The following FAIM2 variants were observed in gnomAD, a reference collection of about 807,000 sequenced individuals.
FAIM2 encodes the protein protein lifeguard 2.
FAIM2 carries 27 observed loss-of-function variants against 47.4 expected under a neutral mutation model. That is an observed-to-expected ratio of 0.57 (90% confidence interval 0.42 to 0.78). The LOEUF is 0.78. Ranked by LOEUF, FAIM2 falls within the 30% of genes least tolerant of loss-of-function variation. FAIM2 has a pLI of 0.00. For missense variants in FAIM2, 311 were observed against 389.4 expected (o/e 0.80, Z 1.69); for synonymous variants, 156 against 159.3 (o/e 0.98, Z 0.16).
In FAIM2 at chr12:49,895,456, G is replaced by T. The variant is rs1423650715; in HGVS notation, c.434+1575C>A. Among the ~76,000 whole-genome samples the T allele has an allele frequency of 2.0e-5, 3 of 152,262 alleles. No individual in the cohort carries two copies. In the East Asian group the frequency reaches 5.8e-4, roughly 29 times the overall value. The stretch of plus-strand genomic sequence containing the variant: ...CCTCCTCCAGAAGGCTCAGAGAGGG[G>T]CCTAAGAATCCCTTCCCAAGTTCTC... On this transcript the variant is annotated intron_variant, in intron 5 of 11. Coordinates refer to ENST00000320634, the MANE Select transcript of FAIM2 (RefSeq NM_012306.4).
In FAIM2 at chr12:49,901,272, G is replaced by T. The variant is rs200044662; in HGVS notation, c.69C>A (p.Gly23=). ...GCACTGCTGGAGCCTCCTTCTTCTC[G>T]CCATGCACCTGCTGCTGCCCCTCGG... The part of the protein sequence containing the change: ...PGTEGQQQVH[G]EKKEAPAVPS... Residue 23 remains glycine (G), a synonymous_variant, in exon 2 of 12, where the codon GGC becomes GGA. Coordinates refer to ENST00000320634, the MANE Select transcript of FAIM2 (RefSeq NM_012306.4). The T allele has an allele frequency of 1.2e-6, 2 of 1,608,322 alleles. No individual in the cohort carries two copies. Among genetic ancestry groups the T allele is most frequent in the South Asian group, 1.1e-5 (1 of 90,350 alleles).
At chr12:49,887,266 C>T in intron 11 of FAIM2, 120 bp downstream of exon 11, 2 of 884,242 alleles carry the variant, frequency 2.3e-6, no homozygotes, top group Non-Finnish European at 3.6e-6. Flanking sequence ...CCTAGCCCTA[C>T]CCGCAGGTGC....
chr12:49,892,605 CT>C (rs1275735044), intron 5 of FAIM2, among the ~76,000 whole-genome samples: 18 of 152,224 alleles, frequency 1.2e-4, no homozygotes, highest in African/African-American at 4.3e-4. Flanking sequence ...CACATGACCC[CT>C]GGGTCCCTCC....
intron 5 of FAIM2, 141 bp from the exon 6 acceptor site, chr12:49,891,255 G>A: frequency 1.4e-6 from 1 of 718,770 alleles, no homozygotes; most frequent in Non-Finnish European, 2.4e-6. Context: ...GGTCATCCTA[G>A]AACCTGGCAG....
rs756060363 is a variant in FAIM2, at chr12:49,878,145, AGT to A, written c.802-7494_802-7493del. Among the ~76,000 whole-genome samples, 8 of 90,004 alleles carry A rather than the reference AGT, an allele frequency of 8.9e-5. 2 individuals carry two copies. The highest frequency in any genetic ancestry group is 7.8e-4 in the East Asian group (2 of 2,554). The allele number at this position is 90,004 out of a possible 152,430, so 59.0% of individuals were successfully genotyped here. On this transcript the variant is annotated intron_variant, in intron 11 of 11. Coordinates refer to ENST00000320634, the MANE Select transcript of FAIM2 (RefSeq NM_012306.4). ...ATGTGTGCATGTGAGTGTGCATGTG[AGT>A]GTGTGTATGAGTGTATGTGTGTATG...
intron 5 of FAIM2, among the ~76,000 whole-genome samples, chr12:49,893,569 G>GCAAAA (rs954580985): frequency 1.0e-3 from 158 of 152,296 alleles, no homozygotes; most frequent in Non-Finnish European, 8.1e-4. Context: ...TGGATGAAAT[G>GCAAAA]CAAAACAAAA....
At chr12:49,891,370 C>T (rs1047928907) in intron 5 of FAIM2, among the ~76,000 whole-genome samples, 6 of 152,190 alleles carry the variant, frequency 3.9e-5, no homozygotes, top group Non-Finnish European at 8.8e-5. Context: ...TTCCTGACCA[C>T]CCAATACAAA....
intron 11 of FAIM2, among the ~76,000 whole-genome samples, chr12:49,876,971 G>A (rs975360514): frequency 6.6e-6 from 1 of 152,192 alleles, no homozygotes; most frequent in Non-Finnish European, 1.5e-5. Context: ...AATGGTAAGA[G>A]GAGCAGCAAG....
intron 11 of FAIM2, among the ~76,000 whole-genome samples, chr12:49,876,599 T>TAA (rs149137663): frequency 4.2e-5 from 6 of 143,360 alleles, no homozygotes; most frequent in East Asian, 2.0e-4. Flanking sequence ...CCGTCTCTAC[T>TAA]AAAAAAAAAA....
At chr12:49,887,508 G>C in intron 10 of FAIM2, 69 bp from the exon 11 acceptor site, 1 of 1,360,426 alleles carries the variant, frequency 7.4e-7, no homozygotes, top group South Asian at 1.2e-5. Context: ...AGGGAGGAGG[G>C]TTCAGTCCAG....
intron 11 of FAIM2, among the ~76,000 whole-genome samples, chr12:49,872,371 T>G: frequency 6.6e-6 from 1 of 151,694 alleles, no homozygotes; most frequent in African/African-American, 2.4e-5. Context: ...GTGTGAAGAG[T>G]GGGGAACTCG....
intron 11 of FAIM2, among the ~76,000 whole-genome samples, chr12:49,880,636 A>C (rs1946815113): frequency 1.3e-5 from 2 of 150,594 alleles, no homozygotes; most frequent in South Asian, 4.2e-4. Context: ...GTGTGTATAT[A>C]TATGCATGTG....
chr12:49,902,809 G>C (rs1406326112), intron 1 of FAIM2: 1 of 152,092 alleles, frequency 6.6e-6, no homozygotes, highest in Non-Finnish European at 1.5e-5. Flanking sequence ...TAATGCCCAG[G>C]CCCCCGACAC....
intron 7 of FAIM2, among the ~76,000 whole-genome samples, chr12:49,890,459 C>T (rs1265843330): frequency 6.6e-6 from 1 of 152,110 alleles, no homozygotes. Context: ...AAAAAATTCA[C>T]AATGAAAAAA....
rs1369700709 is a variant in FAIM2, at chr12:49,870,621, A to G, written c.834T>C (p.Gly278=). ...FLALDTQLLM[G]NRRHSLSPEE... is the part of the protein sequence containing the mutation. ...CAGGGCTCAGCGAGTGGCGTCGGTT[A>G]CCCATCAGCAACTGGGTGTCAAGTG... The change falls in exon 12 of 12, where the codon GGT becomes GGC. Residue 278 remains glycine (G), a synonymous_variant. Transcript: ENST00000320634. 2.5e-6 allele frequency: 4 copies of G among 1,613,904 alleles called. No individual in the cohort carries two copies. The highest frequency in any genetic ancestry group is 1.3e-5 in the African/African-American group (1 of 74,870).
rs139491459 is a variant in FAIM2 at position 49,889,603 on chromosome 12, G to A, written c.564-35C>T. ...GTCAGGCCGAGGGGTCAGCTCTCAG[G>A]CAGGGCATCTGGTCTCCCCCACCCT... On this transcript the variant is annotated intron_variant, in intron 8 of 11. Transcript: ENST00000320634. 1.0e-5 allele frequency: 16 copies of A among 1,574,378 alleles called. No individual in the cohort carries two copies. In the East Asian group the frequency reaches 2.2e-4, roughly 22 times the overall value.
chr12:49,876,305 G>T (rs1946736020), intron 11 of FAIM2, among the ~76,000 whole-genome samples: 1 of 152,238 alleles, frequency 6.6e-6, no homozygotes, highest in South Asian at 2.1e-4. Context: ...TAGGGAAACT[G>T]AAGCACAAAG....
chr12:49,889,375 A>T, intron 9 of FAIM2, 106 bp downstream of exon 9: 1 of 1,116,004 alleles, frequency 9.0e-7, no homozygotes, highest in Non-Finnish European at 1.3e-6. Flanking sequence ...CACCCCCTTT[A>T]CTTCTCTCCC....
chr12:49,867,493 G>A lies in FAIM2; in HGVS notation c.*3011C>T, dbSNP rs1338799726. On this transcript the variant is annotated 3_prime_UTR_variant, in exon 12 of 12. Coordinates refer to ENST00000320634, the MANE Select transcript of FAIM2 (RefSeq NM_012306.4). ...TTCCGGGGCTTCCCCAGGTGATACC[G>A]AAGGAGCCATAGGTGTGCCCGGGAA... 2 of 152,188 alleles carry A rather than the reference G, an allele frequency of 1.3e-5. No homozygotes were observed. The highest frequency in any genetic ancestry group is 1.9e-4 in the East Asian group (1 of 5,172). 9.4% of individuals were successfully genotyped at this position (152,188 alleles called of 1,614,324 possible).
Sources: allele counts gnomAD v4.1 joint callset (sites outside exome capture counted in the v4.1 genomes callset), GRCh38; gene constraint gnomAD v4.1.1; transcripts MANE v1.5; gene names NCBI Gene and HGNC (gene_info 2026-07-23, HGNC 2026-07-21).